Variants in NHERF2 observed in about 807,000 individuals in gnomAD.
NHERF2 encodes the protein Na(+)/H(+) exchange regulatory cofactor NHE-RF2.
chr16:2,031,311 A>G, the NHERF2 span, among the ~76,000 whole-genome samples: 1 of 152,068 alleles, frequency 6.6e-6, no homozygotes, highest in African/African-American at 2.4e-5. Context: ...CTGGCCTTGC[A>G]GGGGGGCTGG....
chr16:2,032,239 C>T, the NHERF2 span, among the ~76,000 whole-genome samples: 11 of 152,132 alleles, frequency 7.2e-5, no homozygotes, highest in Non-Finnish European at 1.3e-4. The surrounding 1 kb of genome is among the most constrained non-coding windows in gnomAD (Gnocchi z 4.0). Flanking sequence ...AGGCTGGTCT[C>T]AAACTCTTGG....
chr16:2,027,994 C>T, the NHERF2 span, among the ~76,000 whole-genome samples: 1 of 152,234 alleles, frequency 6.6e-6, no homozygotes, highest in African/African-American at 2.4e-5. Context: ...CTCCTGCCTC[C>T]TGGCTAAGGA....
At chr16:2,029,100 G>A in the NHERF2 span, among the ~76,000 whole-genome samples, 2 of 152,310 alleles carry the variant, frequency 1.3e-5, no homozygotes, top group African/African-American at 4.8e-5. Context: ...AGAGAATGAC[G>A]GGAATGGGCA....
At chr16:2,034,115 C>T in the NHERF2 span, among the ~76,000 whole-genome samples, 2 of 152,182 alleles carry the variant, frequency 1.3e-5, no homozygotes, top group Non-Finnish European at 1.5e-5. Flanking sequence ...AACCCTGCCC[C>T]GCAGGCCGCT....
chr16:2,038,165 G>A, the NHERF2 span: 1 of 680,794 alleles, frequency 1.5e-6, no homozygotes, highest in African/African-American at 1.8e-5. Context: ...GGGGCCTGTG[G>A]CAGCAAGATA....
At chr16:2,030,024 T>A in the NHERF2 span, among the ~76,000 whole-genome samples, 3 of 152,182 alleles carry the variant, frequency 2.0e-5, no homozygotes, top group African/African-American at 7.2e-5. Context: ...TCCAGGATGC[T>A]CCAGAGCCAC....
chr16:2,033,472 G>A, the NHERF2 span: 36 of 1,496,808 alleles, frequency 2.4e-5, no homozygotes, highest in African/African-American at 1.5e-4. Flanking sequence ...AGGAGGAACC[G>A]GCAGCCGCTC....
the NHERF2 span, chr16:2,029,440 C>T: frequency 1.6e-5 from 12 of 737,454 alleles, no homozygotes; most frequent in Middle Eastern, 3.7e-4. Context: ...GGGGCGGGGC[C>T]GGCAGGCCTC....
chr16:2,034,348 T>TC, the NHERF2 span, among the ~76,000 whole-genome samples: 1 of 145,352 alleles, frequency 6.9e-6, no homozygotes, highest in African/African-American at 2.6e-5. Flanking sequence ...GTGCTCCACC[T>TC]CCCCTCCCGA....
At chr16:2,038,519 G>A in the NHERF2 span, 8 of 367,260 alleles carry the variant, frequency 2.2e-5, no homozygotes, top group African/African-American at 4.6e-5. Context: ...AGCAGCGGCC[G>A]TCCTGAGTGG....
the NHERF2 span, chr16:2,029,858 C>A: frequency 7.9e-7 from 1 of 1,267,636 alleles, no homozygotes; most frequent in Non-Finnish European, 1.1e-6. Flanking sequence ...ACGATCTTTG[C>A]CTTTGGTCAC....
chr16:2,033,744 G>A, the NHERF2 span, among the ~76,000 whole-genome samples: 8 of 152,126 alleles, frequency 5.3e-5, no homozygotes, highest in African/African-American at 1.9e-4. Context: ...GGCAGGAAGT[G>A]TGTGCTGAGC....
the NHERF2 span, chr16:2,035,313 C>T: frequency 1.3e-6 from 1 of 779,152 alleles, no homozygotes; most frequent in Non-Finnish European, 1.6e-6. Flanking sequence ...AGGTGGGTGG[C>T]TGGAGGGGTT....
the NHERF2 span, chr16:2,027,141 G>A: frequency 6.8e-7 from 1 of 1,474,642 alleles, no homozygotes; most frequent in Non-Finnish European, 8.9e-7. Context: ...TTCCCCCGCC[G>A]AGGCCGCCGC....
At chr16:2,035,359 G>A in the NHERF2 span, 3 of 952,342 alleles carry the variant, frequency 3.2e-6, no homozygotes, top group East Asian at 1.1e-4. Context: ...GCCCTCCTGA[G>A]GTCTGAGCGC....
At chr16:2,036,193 T>A in the NHERF2 span, 1 of 919,118 alleles carries the variant, frequency 1.1e-6, no homozygotes, top group Non-Finnish European at 1.6e-6. Context: ...CCCGGAGTGT[T>A]TGCCACTGAG....
chr16:2,036,351 C>T, the NHERF2 span: 25 of 1,610,154 alleles, frequency 1.6e-5, no homozygotes, highest in African/African-American at 4.0e-5. Context: ...GAGGGAGCTG[C>T]GCCCTCGGCT....
chr16:2,032,371 G>A, the NHERF2 span, among the ~76,000 whole-genome samples: 1 of 152,204 alleles, frequency 6.6e-6, no homozygotes, highest in African/African-American at 2.4e-5. The surrounding 1 kb of genome is among the most constrained non-coding windows in gnomAD (Gnocchi z 4.0). Context: ...GGAAGAGGTG[G>A]GCCTCACCTG....
At chr16:2,030,863 C>T in the NHERF2 span, among the ~76,000 whole-genome samples, 1 of 152,114 alleles carries the variant, frequency 6.6e-6, no homozygotes, top group South Asian at 2.1e-4. Context: ...GTCGCTTGAA[C>T]CCGGCAGGCG....
Sources: gnomAD v4.1 joint callset for allele counts (sites outside exome capture counted in the v4.1 genomes callset) on GRCh38, gnomAD v4.1.1 for gene constraint, Gnocchi (gnomAD v3.1) non-coding constraint, MANE v1.5 for transcripts, NCBI Gene and HGNC (gene_info 2026-07-23, HGNC 2026-07-21) for gene names.